The following ANKRD30B variants were observed in gnomAD, a reference collection of about 807,000 sequenced individuals.
The protein encoded by ANKRD30B is ankyrin repeat domain-containing protein 30B.
Under a neutral mutation model 202.2 loss-of-function variants are expected in ANKRD30B, and 144 were observed. The observed-to-expected ratio is 0.71, with a 90% CI of 0.62 to 0.82. The LOEUF is 0.82. ANKRD30B is among the 40% of genes least tolerant of loss of function. The pLI is 0.00. For synonymous variants in ANKRD30B, 508 were observed against 561.3 expected, an observed-to-expected ratio of 0.91 and a Z score of 1.34; for missense variants, 1,487 against 1,669.1, an observed-to-expected ratio of 0.89 and a Z score of 1.90.
intron 3 of ANKRD30B, among the ~76,000 whole-genome samples, chr18:14,753,650 G>A (rs1598560048): frequency 6.6e-6 from 1 of 151,902 alleles, no homozygotes; most frequent in Non-Finnish European, 1.5e-5. Context: ...ATTAATACTG[G>A]GGTTGACTTC....
At chr18:14,789,503 C>T (rs1285491094) in intron 15 of ANKRD30B, among the ~76,000 whole-genome samples, 1 of 152,124 alleles carries the variant, frequency 6.6e-6, no homozygotes, top group Non-Finnish European at 1.5e-5. Flanking sequence ...AGGTTTTCTT[C>T]TAGGGTTTTT....
At chr18:14,851,425 G>T in intron 41 of ANKRD30B, 84 bp from the exon 42 acceptor site, 2 of 1,372,528 alleles carry the variant, frequency 1.5e-6, no homozygotes, top group South Asian at 3.3e-5. Flanking sequence ...TTGTATAAAC[G>T]TACAAGTTGT....
Position 14,810,306 on chromosome 18 carries a change from T to C in ANKRD30B, c.2488+126T>C, listed in dbSNP as rs890769144. ...TGATGGGAAAATTTGATACAAATAA[T>C]GCAAATGTTAGTATTTATGTTTGAG... On this transcript the variant is annotated intron_variant, in intron 28 of 43. Transcript: ENST00000690538. 5.2e-5 allele frequency: 32 copies of C among 616,630 alleles called. 1 individual carries two copies. Among genetic ancestry groups the C allele is most frequent in the Admixed American group, 6.8e-5 (2 of 29,460 alleles). 38.2% of individuals were successfully genotyped at this position (616,630 alleles called of 1,614,324 possible).
At chr18:14,765,014 G>A (rs1387827979) in intron 7 of ANKRD30B, among the ~76,000 whole-genome samples, 1 of 152,142 alleles carries the variant, frequency 6.6e-6, no homozygotes, top group Non-Finnish European at 1.5e-5. Context: ...AATAAATAAT[G>A]ACTAGGCATA....
At chr18:14,920,204 A>G in the ANKRD30B span, among the ~76,000 whole-genome samples, 1 of 152,216 alleles carries the variant, frequency 6.6e-6, no homozygotes, top group Non-Finnish European at 1.5e-5. Flanking sequence ...TCATTTGAAC[A>G]TGTTGTAGGT....
At chr18:14,826,417 G>A (rs1432357172) in intron 32 of ANKRD30B, among the ~76,000 whole-genome samples, 1 of 152,062 alleles carries the variant, frequency 6.6e-6, no homozygotes, top group Non-Finnish European at 1.5e-5. Flanking sequence ...TTATTTTAGA[G>A]TTGTTAGGTA....
At chr18:14,888,212 A>G in the ANKRD30B span, among the ~76,000 whole-genome samples, 1 of 152,062 alleles carries the variant, frequency 6.6e-6, no homozygotes, top group South Asian at 2.1e-4. Flanking sequence ...ATTTTTCACT[A>G]GAAAGCATTT....
At chr18:14,923,589 G>A in the ANKRD30B span, among the ~76,000 whole-genome samples, 12 of 152,228 alleles carry the variant, frequency 7.9e-5, no homozygotes, top group South Asian at 2.5e-3. Context: ...TCACCACCCT[G>A]AAGGGAAGGA....
intron 26 of ANKRD30B, among the ~76,000 whole-genome samples, chr18:14,809,034 A>AC (rs1969742122): frequency 6.7e-6 from 1 of 150,230 alleles, no homozygotes; most frequent in Non-Finnish European, 1.5e-5. Flanking sequence ...GAAAGAATAG[A>AC]CACAGACAAG....
chr18:14,914,793 G>T, the ANKRD30B span, among the ~76,000 whole-genome samples: 1,442 of 152,204 alleles, frequency 9.5e-3, 28 homozygotes, highest in African/African-American at 0.033. Context: ...TCTATTGGGG[G>T]GTTGTCGTGT....
In ANKRD30B at chr18:14,748,621, A is replaced by G. The variant is rs537183583; in HGVS notation, c.202A>G (p.Lys68Glu). 6.4e-7 allele frequency: 1 copy of G among 1,565,508 alleles called. No homozygotes were observed. Among genetic ancestry groups the G allele is most frequent in the African/African-American group, 1.4e-5 (1 of 73,658 alleles). The change falls in exon 1 of 44, where the codon AAA becomes GAA. Residue 68 changes from lysine (K) to glutamate (E), a missense_variant. Coordinates refer to ENST00000690538, the MANE Select transcript of ANKRD30B (RefSeq NM_001367607.2). Reference protein sequence around the residue: ...TVGKKPVNLNKRDMKKRTALH... With the variant: ...TVGKKPVNLNERDMKKRTALH... ...AGGGAAGAAGCCCGTCAACCTGAAC[A>G]AAAGAGATATGAAGAAGAGGTACCA...
chr18:14,939,034 C>T, the ANKRD30B span, among the ~76,000 whole-genome samples: 1 of 152,308 alleles, frequency 6.6e-6, no homozygotes, highest in African/African-American at 2.4e-5. Context: ...AATGAAAACA[C>T]GTCTGCAGGA....
the ANKRD30B span, among the ~76,000 whole-genome samples, chr18:14,921,517 C>T: frequency 4.6e-5 from 7 of 151,948 alleles, no homozygotes; most frequent in Admixed American, 3.9e-4. Flanking sequence ...TTTCCTCACA[C>T]ATACACTGAG....
intron 40 of ANKRD30B, among the ~76,000 whole-genome samples, chr18:14,849,286 TC>T (rs1568075239): frequency 6.6e-6 from 1 of 151,854 alleles, no homozygotes; most frequent in African/African-American, 2.4e-5. Flanking sequence ...TGGAATAAAT[TC>T]TTCAATATAG....
intron 30 of ANKRD30B, among the ~76,000 whole-genome samples, chr18:14,820,219 T>C (rs1970341992): frequency 6.6e-6 from 1 of 152,228 alleles, no homozygotes; most frequent in Admixed American, 6.5e-5. Context: ...TTTTGTATCC[T>C]GAGACTTTGC....
intron 8 of ANKRD30B, among the ~76,000 whole-genome samples, chr18:14,770,042 G>C (rs956233898): frequency 2.0e-5 from 3 of 152,256 alleles, no homozygotes; most frequent in African/African-American, 7.2e-5. Context: ...TCTATTGACT[G>C]ACTTCCAAGT....
intron 22 of ANKRD30B, among the ~76,000 whole-genome samples, chr18:14,800,328 T>C: frequency 6.7e-6 from 1 of 150,360 alleles, no homozygotes; most frequent in Non-Finnish European, 1.5e-5. Context: ...TAAATTTTGA[T>C]ATGGCGTCTC....
At chr18:14,774,190 C>G (rs1288295037) in intron 9 of ANKRD30B, among the ~76,000 whole-genome samples, 1 of 151,902 alleles carries the variant, frequency 6.6e-6, no homozygotes, top group African/African-American at 2.4e-5. Flanking sequence ...TAACAAATAA[C>G]TAATTGTAGT....
intron 9 of ANKRD30B, among the ~76,000 whole-genome samples, chr18:14,773,688 C>G (rs959223128): frequency 1.3e-5 from 2 of 148,780 alleles, no homozygotes; most frequent in East Asian, 2.0e-4. Context: ...GACAGAGTCT[C>G]TCTGTCATGC....
Sources: gnomAD v4.1 joint callset for allele counts (sites outside exome capture counted in the v4.1 genomes callset) on GRCh38, gnomAD v4.1.1 for gene constraint, MANE v1.5 for transcripts, NCBI Gene and HGNC (gene_info 2026-07-23, HGNC 2026-07-21) for gene names.